TMEM237: variants seen among roughly 807,000 people sequenced by gnomAD.
TMEM237 encodes transmembrane protein 237.
In TMEM237, 51 loss-of-function variants were observed where a neutral mutation model predicts 59.1. That is an observed-to-expected ratio of 0.86 (90% confidence interval 0.69 to 1.09). The LOEUF is 1.09. Among genes scored for constraint, TMEM237 ranks in the 50% least tolerant of loss-of-function variants. TMEM237 has a pLI of 0.00. For synonymous variants in TMEM237, 140 were observed against 166.1 expected (o/e 0.84, Z 1.21); for missense variants, 475 against 478.3 (o/e 0.99, Z 0.06).
At chr2:201,633,140 C>T (rs1203372493) in intron 6 of TMEM237, among the ~76,000 whole-genome samples, 171 bp downstream of exon 6, 1 of 151,778 alleles carries the variant, frequency 6.6e-6, no homozygotes, top group African/African-American at 2.4e-5. Flanking sequence ...GTTTACTCTT[C>T]TGAAATTTAT....
chr2:201,634,067 G>A (rs1310247104), intron 5 of TMEM237, among the ~76,000 whole-genome samples: 6 of 152,210 alleles, frequency 3.9e-5, no homozygotes, highest in Admixed American at 3.3e-4. Context: ...TGCACCGTGA[G>A]TCACCTTATA....
At chr2:201,640,184 A>T (rs578096365) in intron 3 of TMEM237, 77 bp downstream of exon 3, 7 of 1,192,852 alleles carry the variant, frequency 5.9e-6, no homozygotes, top group Non-Finnish European at 8.1e-6. Context: ...ATTCAGACTC[A>T]GTTTTAAGAG....
At chr2:201,625,177 A>G (rs2105896856) in intron 12 of TMEM237, among the ~76,000 whole-genome samples, 1 of 152,286 alleles carries the variant, frequency 6.6e-6, no homozygotes, top group East Asian at 1.9e-4. Context: ...CCTGGCTAAC[A>G]TGGTGAAACC....
intron 1 of TMEM237, chr2:201,642,906 G>T: frequency 7.5e-7 from 1 of 1,338,298 alleles, no homozygotes. Flanking sequence ...CAGCTTTCCC[G>T]TGGTTTCCTA....
intron 7 of TMEM237, among the ~76,000 whole-genome samples, chr2:201,630,405 T>C (rs987211828): frequency 2.0e-5 from 3 of 152,194 alleles, no homozygotes; most frequent in Non-Finnish European, 4.4e-5. Context: ...AGCACTGCAA[T>C]ATTGTATGAG....
rs960449090 is a variant in TMEM237 at position 201,621,377 on chromosome 2, A to G, written c.*2878T>C. On this transcript the variant is annotated 3_prime_UTR_variant, in exon 13 of 13. Transcript: ENST00000409883. ...CAACCCATCAGTTTCACTCCTGGGC[A>G]TTTATCTTAAAGAAATGAAAACTTA... 1.3e-5 allele frequency: 2 copies of G among 152,188 alleles called. No individual in the cohort carries two copies. Among genetic ancestry groups the G allele is most frequent in the Admixed American group, 6.5e-5 (1 of 15,280 alleles). The allele number at this position is 152,188 out of a possible 1,614,324, so 9.4% of individuals were successfully genotyped here. A position where few individuals can be genotyped will look rare whatever the true frequency, so the allele number is the denominator to read the frequency against.
chr2:201,640,826 A>G, intron 2 of TMEM237, 67 bp downstream of exon 2: 1 of 1,358,178 alleles, frequency 7.4e-7, no homozygotes, highest in Non-Finnish European at 1.0e-6. Context: ...ATACTAGTCA[A>G]TTTTTCCACT....
rs1348961538 is a variant in TMEM237 at position 201,643,475 on chromosome 2, C to G, written c.-75G>C. 3.1e-6 allele frequency: 4 copies of G among 1,307,482 alleles called. No homozygotes were observed. Among genetic ancestry groups the G allele is most frequent in the Non-Finnish European group, 3.9e-6 (4 of 1,013,264 alleles). 81.0% of individuals were successfully genotyped at this position (1,307,482 alleles called of 1,614,324 possible). A position where few individuals can be genotyped will look rare whatever the true frequency, so the allele number is the denominator to read the frequency against. Reference sequence around the variant, plus strand: ...CCAGCTCCCCGCGACGCAGCGGCCTCCGGGACCTGTGGGACGCCGGGGCTT... The same window carrying G: ...CCAGCTCCCCGCGACGCAGCGGCCTGCGGGACCTGTGGGACGCCGGGGCTT... On this transcript the variant is annotated 5_prime_UTR_variant, in exon 1 of 13. Coordinates refer to ENST00000409883, the MANE Select transcript of TMEM237 (RefSeq NM_001044385.3). This position sits in a 1 kb window ranked among gnomAD's most constrained non-coding sequence, Gnocchi z 4.3.
At chr2:201,624,995 C>G (rs1250350318) in intron 12 of TMEM237, among the ~76,000 whole-genome samples, 8 of 152,164 alleles carry the variant, frequency 5.3e-5, no homozygotes, top group Admixed American at 5.2e-4. Flanking sequence ...CATGCTAAGG[C>G]TTCTGAGGCA....
intron 4 of TMEM237, 45 bp from the exon 5 acceptor site, chr2:201,636,930 G>A: frequency 6.4e-7 from 1 of 1,550,490 alleles, no homozygotes; most frequent in Non-Finnish European, 8.7e-7. Context: ...CTTGAGCAAA[G>A]ATCACTGAAT....
chr2:201,641,403 T>C (rs1559591137), intron 1 of TMEM237, among the ~76,000 whole-genome samples: 2 of 151,946 alleles, frequency 1.3e-5, no homozygotes, highest in Non-Finnish European at 2.9e-5. Flanking sequence ...ACCTGGGAGG[T>C]ACTGATGAGA....
Position 201,640,283 on chromosome 2 carries a change from A to G in TMEM237, c.75-18T>C, listed in dbSNP as rs774829624. 1.9e-6 allele frequency: 3 copies of G among 1,551,922 alleles called. No individual in the cohort carries two copies. Among genetic ancestry groups the G allele is most frequent in the Non-Finnish European group, 2.6e-6 (3 of 1,159,966 alleles). ...CACCTTGACTAACACGTCATATAAC[A>G]CCAAACAAATTTAATCAGCAGGACA... On this transcript the variant is annotated intron_variant, in intron 2 of 12. Coordinates refer to ENST00000409883, the MANE Select transcript of TMEM237 (RefSeq NM_001044385.3).
chr2:201,640,837 G>T, intron 2 of TMEM237, 56 bp downstream of exon 2: 1 of 1,425,786 alleles, frequency 7.0e-7, no homozygotes, highest in Non-Finnish European at 9.6e-7. Flanking sequence ...TTTTTCCACT[G>T]TCTTCATTTT....
chr2:201,628,048 C>G, intron 10 of TMEM237, 28 bp downstream of exon 10: 1 of 1,553,762 alleles, frequency 6.4e-7, no homozygotes, highest in Non-Finnish European at 8.8e-7. Flanking sequence ...AAGTATTACA[C>G]AGTTATCATG....
intron 5 of TMEM237, 49 bp from the exon 6 acceptor site, chr2:201,633,480 A>G (rs1030823084): frequency 6.3e-6 from 9 of 1,421,378 alleles, no homozygotes; most frequent in Admixed American, 2.6e-5. Context: ...ACATAAAAAG[A>G]AAAGTAATGT....
intron 6 of TMEM237, among the ~76,000 whole-genome samples, chr2:201,632,817 A>G (rs1687199808): frequency 6.6e-6 from 1 of 152,188 alleles, no homozygotes; most frequent in Admixed American, 6.5e-5. Flanking sequence ...ATTGATCACT[A>G]TTTGTAGGTT....
At chr2:201,636,011 T>C (rs1317201488) in intron 5 of TMEM237, among the ~76,000 whole-genome samples, 1 of 152,246 alleles carries the variant, frequency 6.6e-6, no homozygotes, top group Admixed American at 6.5e-5. Context: ...TTCTTTGATT[T>C]AATAATACAC....
At chr2:201,636,674 A>T in intron 5 of TMEM237, 74 bp downstream of exon 5, 3 of 1,500,940 alleles carry the variant, frequency 2.0e-6, no homozygotes, top group Admixed American at 4.4e-5. Flanking sequence ...GAAAGAAATG[A>T]AAGCAGAGAG....
intron 10 of TMEM237, 149 bp downstream of exon 10, chr2:201,627,927 T>C: frequency 3.8e-6 from 2 of 520,932 alleles, no homozygotes; most frequent in Admixed American, 3.5e-5. Flanking sequence ...ATGCCTTTTA[T>C]GTTTCTAATT....
Sources: gnomAD v4.1 joint callset for allele counts (sites outside exome capture counted in the v4.1 genomes callset) on GRCh38, gnomAD v4.1.1 for gene constraint, Gnocchi (gnomAD v3.1) non-coding constraint, MANE v1.5 for transcripts, NCBI Gene and HGNC (gene_info 2026-07-23, HGNC 2026-07-21) for gene names.